The following VLDLR variants were observed in gnomAD, a reference collection of about 807,000 sequenced individuals.
VLDLR encodes the protein very low-density lipoprotein receptor.
VLDLR carries 81 observed loss-of-function variants against 112.7 expected under a neutral mutation model. The ratio of observed to expected loss-of-function variants is 0.72; its 90% CI spans 0.60 to 0.86. The LOEUF is 0.86. Ranked by LOEUF, VLDLR falls within the 40% of genes least tolerant of loss-of-function variation. The probability of loss-of-function intolerance (pLI) is 0.00; values close to 1 mark genes in which losing one functional copy is unlikely to be tolerated. For synonymous variants in VLDLR, 436 were observed against 384.8 expected (o/e 1.13, Z -1.56); for missense variants, 1,237 against 1,099.4 (o/e 1.13, Z -1.77).
At chr9:2,651,739 T>A in intron 16 of VLDLR, 135 bp from the exon 17 acceptor site, 1 of 997,900 alleles carries the variant, frequency 1.0e-6, no homozygotes, top group Non-Finnish European at 1.5e-6. Context: ...TAAGCCAGAG[T>A]TGTTCCTGGT....
At position 2,643,250 on chromosome 9, in the gene VLDLR, G is replaced by C; in HGVS notation, c.539G>C (p.Ser180Thr). 1.2e-6 allele frequency: 2 copies of C among 1,614,168 alleles called. No homozygotes were observed. The highest frequency in any genetic ancestry group is 1.7e-6 in the Non-Finnish European group (2 of 1,180,024). Reference protein sequence around the residue: ...NFVCNGQDDCSDGSDELDCAP... With the variant: ...NFVCNGQDDCTDGSDELDCAP... The stretch of plus-strand genomic sequence containing the variant: ...GTATGCAATGGCCAGGATGACTGCA[G>C]CGATGGCAGTGATGAGCTGGACTGT... Residue 180 changes from serine to threonine, a missense_variant, in exon 5 of 19, where the codon AGC becomes ACC. Transcript: ENST00000382100.
Position 2,650,380 on chromosome 9 carries a change from G to T in VLDLR, c.2115G>T (p.Trp705Cys). 6.2e-7 allele frequency: 1 copy of T among 1,614,038 alleles called. No homozygotes were observed. Among genetic ancestry groups the T allele is most frequent in the South Asian group, 1.1e-5 (1 of 91,064 alleles). Residue 705 changes from tryptophan (W) to cysteine (C), a missense_variant, in exon 15 of 19, where the codon TGG becomes TGT. Physicochemically the swap from Trp to Cys is radical, Grantham distance 215. Transcript: ENST00000382100. Reference sequence around the variant, plus strand: ...TTTTTTCCTGACTAGGTAAAAATTGGTGTGAAGAAGACATGGAGAATGGAG... The same window carrying T: ...TTTTTTCCTGACTAGGTAAAAATTGTTGTGAAGAAGACATGGAGAATGGAG... ...HELVQPSGKN[W>C]CEEDMENGGC...
At chr9:2,648,473 A>C in intron 13 of VLDLR, 126 bp downstream of exon 13, 1 of 1,532,980 alleles carries the variant, frequency 6.5e-7, no homozygotes, top group East Asian at 2.3e-5. Flanking sequence ...TTTCACTTAA[A>C]ACCTGGTACA....
chr9:2,648,574 C>T, intron 13 of VLDLR, 95 bp from the exon 14 acceptor site: 2 of 1,591,102 alleles, frequency 1.3e-6, no homozygotes, highest in South Asian at 2.2e-5. Flanking sequence ...ATTCAGTAAA[C>T]TTAGTCCATT....
At chr9:2,640,746 G>GCTGTTACT (rs1449346475) in intron 3 of VLDLR, among the ~76,000 whole-genome samples, 1 of 152,138 alleles carries the variant, frequency 6.6e-6, no homozygotes, top group Non-Finnish European at 1.5e-5. Flanking sequence ...GGAAGATAAG[G>GCTGTTACT]CTGTTACTTT....
In VLDLR at chr9:2,621,828, C is replaced by A. The variant is rs895547072; in HGVS notation, c.-362C>A. ...GCCGCCGGTGCGGGTGCTCCGCTAC[C>A]GGCTCCTCTCCGTTCTGTGCTCTCT... On this transcript the variant is annotated 5_prime_UTR_variant, in exon 1 of 19. Transcript: ENST00000382100. 4 of 515,446 alleles carry A rather than the reference C, an allele frequency of 7.8e-6. No homozygotes were observed. Among genetic ancestry groups the A allele is most frequent in the Admixed American group, 2.3e-5 (1 of 42,576 alleles). The allele number at this position is 515,446 out of a possible 1,614,324, so 31.9% of individuals were successfully genotyped here.
At chr9:2,647,623 C>G (rs769430377) in intron 12 of VLDLR, 31 bp downstream of exon 12, 4 of 1,548,870 alleles carry the variant, frequency 2.6e-6, no homozygotes, top group Non-Finnish European at 3.6e-6. Flanking sequence ...CGACCACCCA[C>G]TCAACTATCT....
chr9:2,622,359 C>T (rs1816845361), intron 1 of VLDLR, 88 bp downstream of exon 1: 3 of 1,223,944 alleles, frequency 2.5e-6, no homozygotes, highest in Admixed American at 3.7e-5. Flanking sequence ...TTTGCCCACC[C>T]GCCTCCTAGG....
rs1203896044 is a variant in VLDLR at position 2,648,310 on chromosome 9, A to G, written c.1925A>G (p.Glu642Gly). 1 of 1,614,224 alleles carries G rather than the reference A, an allele frequency of 6.2e-7. No individual in the cohort carries two copies. The highest frequency in any genetic ancestry group is 1.7e-5 in the Admixed American group (1 of 60,034). ...QDRRIVLKSL[E>G]FLAHPLALTI... is the part of the protein sequence containing the mutation. ...CGTAGGATAGTACTAAAGTCTCTGG[A>G]GTTCCTAGCTCATCCTCTTGCACTA... The change falls in exon 13 of 19, where the codon GAG (glutamate) becomes GGG (glycine). Residue 642 changes from glutamate to glycine, a missense_variant. Coordinates refer to ENST00000382100, the MANE Select transcript of VLDLR (RefSeq NM_003383.5).
At position 2,657,441 on chromosome 9, in the gene VLDLR, T is replaced by C. The variant is rs554010276; in HGVS notation, c.*3573T>C. 7 of 152,306 alleles carry C rather than the reference T, an allele frequency of 4.6e-5. No individual in the cohort carries two copies. The South Asian group carries it at 8.3e-4, about 18-fold the overall frequency. 9.4% of individuals were successfully genotyped at this position (152,306 alleles called of 1,614,324 possible). ...TTTTATCCTGAACGTAGTTGTGACA[T>C]AGACATTTCTCAAAAGGGTCTGATA... On this transcript the variant is annotated 3_prime_UTR_variant, in exon 19 of 19. Transcript: ENST00000382100.
intron 4 of VLDLR, 69 bp downstream of exon 4, chr9:2,641,568 A>G: frequency 1.2e-6 from 2 of 1,609,574 alleles, no homozygotes; most frequent in Non-Finnish European, 1.7e-6. Context: ...GGCAGGGGAA[A>G]CTAATCTAAG....
Position 2,647,468 on chromosome 9 carries a change from T to A in VLDLR, c.1704-6T>A. Reference sequence around the variant, plus strand: ...TGAGGCTTATTTCTCATTTAATTTTTCACAGCTTTGTTTACTGGTCAGACT... The same window carrying A: ...TGAGGCTTATTTCTCATTTAATTTTACACAGCTTTGTTTACTGGTCAGACT... On this transcript the variant is annotated splice_region_variant and splice_polypyrimidine_tract_variant and intron_variant, in intron 11 of 18. Transcript: ENST00000382100. 1 of 1,612,526 alleles carries A rather than the reference T, an allele frequency of 6.2e-7. No homozygotes were observed. Among genetic ancestry groups the A allele is most frequent in the East Asian group, 2.2e-5 (1 of 44,872 alleles).
In VLDLR at chr9:2,622,283, C is replaced by G. The variant is rs1490285304; in HGVS notation, c.82+12C>G. The stretch of plus-strand genomic sequence containing the variant: ...CGCCACCGGAACCGGTGAGTGAGGA[C>G]GCGCCCCTCCGCCGGCGGGCGGGAC... On this transcript the variant is annotated intron_variant, in intron 1 of 18. Coordinates refer to ENST00000382100, the MANE Select transcript of VLDLR (RefSeq NM_003383.5). 2.0e-6 allele frequency: 3 copies of G among 1,463,962 alleles called. No homozygotes were observed. The highest frequency in any genetic ancestry group is 2.7e-6 in the Non-Finnish European group (3 of 1,112,390). The allele number at this position is 1,463,962 out of a possible 1,614,324, so 90.7% of individuals were successfully genotyped here.
chr9:2,633,254 C>G (rs1817449128), intron 1 of VLDLR, among the ~76,000 whole-genome samples: 1 of 152,146 alleles, frequency 6.6e-6, no homozygotes, highest in Non-Finnish European at 1.5e-5. Context: ...TCAATATAGA[C>G]TCTTAGAGCA....
chr9:2,651,613 C>G, intron 16 of VLDLR, 115 bp downstream of exon 16: 1 of 1,044,282 alleles, frequency 9.6e-7, no homozygotes, highest in Non-Finnish European at 1.4e-6. Context: ...AATTGGTAAC[C>G]TATATTTAAA....
rs73640146 is a variant in VLDLR, at chr9:2,632,290, C to T, written c.83-3163C>T. Among the ~76,000 whole-genome samples, 727 of 152,342 alleles carry T rather than the reference C, an allele frequency of 4.8e-3. 5 individuals are homozygous for T. Among genetic ancestry groups the T allele is most frequent in the African/African-American group, 0.016 (663 of 41,574 alleles). On this transcript the variant is annotated intron_variant, in intron 1 of 18. Transcript: ENST00000382100. ...CTGTGGCCTTTCCCTCCACTTCAAC[C>T]ACCCCTCTAGCCTGAGGCATTCTTG...
At chr9:2,622,871 G>A (rs997227454) in intron 1 of VLDLR, among the ~76,000 whole-genome samples, 1 of 152,148 alleles carries the variant, frequency 6.6e-6, no homozygotes, top group Non-Finnish European at 1.5e-5. Context: ...CCCCCGGCGC[G>A]GGGCCGCCTC....
At chr9:2,646,588 G>C in intron 11 of VLDLR, 36 bp downstream of exon 11, 2 of 1,597,240 alleles carry the variant, frequency 1.3e-6, no homozygotes, top group Non-Finnish European at 8.6e-7. Context: ...ACTTTGGAAT[G>C]GTATCTGTGT....
intron 4 of VLDLR, 126 bp downstream of exon 4, chr9:2,641,625 C>G (rs958803260): frequency 7.2e-7 from 1 of 1,381,904 alleles, no homozygotes; most frequent in Admixed American, 1.7e-5. Context: ...ACTTCACTAT[C>G]TGCTCAATTA....
Sources: gnomAD v4.1 joint callset for allele counts (sites outside exome capture counted in the v4.1 genomes callset) on GRCh38, gnomAD v4.1.1 for gene constraint, MANE v1.5 for transcripts, NCBI Gene and HGNC (gene_info 2026-07-23, HGNC 2026-07-21) for gene names.